Variants in LMO1 observed in about 807,000 individuals in gnomAD.
The protein encoded by LMO1 is rhombotin-1.
A neutral mutation model predicts 18.0 loss-of-function variants in LMO1; 10 were observed. The observed-to-expected ratio is 0.55, with a 90% CI of 0.34 to 0.94. The LOEUF (loss-of-function observed/expected upper bound fraction) is 0.94. Among genes scored for constraint, LMO1 ranks in the 40% least tolerant of loss-of-function variants. The pLI, the probability that LMO1 is intolerant of heterozygous loss-of-function variation, is 0.02. For synonymous variants in LMO1, 77 were observed against 77.9 expected, an observed-to-expected ratio of 0.99 and a Z score of 0.06; for missense variants, 183 against 205.7, an observed-to-expected ratio of 0.89 and a Z score of 0.68.
At chr11:8,255,545 T>G (rs1441534449) in intron 1 of LMO1, among the ~76,000 whole-genome samples, 2 of 152,142 alleles carry the variant, frequency 1.3e-5, no homozygotes, top group Non-Finnish European at 2.9e-5. Context: ...CGGACCGGTC[T>G]CTGCCATAAG....
Position 8,263,606 on chromosome 11 carries a change from T to G in LMO1, c.-244A>C. 1 of 1,360,594 alleles carries G rather than the reference T, an allele frequency of 7.3e-7. No homozygotes were observed. Among genetic ancestry groups the G allele is most frequent in the Non-Finnish European group, 9.4e-7 (1 of 1,060,984 alleles). The allele number at this position is 1,360,594 out of a possible 1,614,324, so 84.3% of individuals were successfully genotyped here. On this transcript the variant is annotated 5_prime_UTR_variant, in exon 1 of 4. Transcript: ENST00000335790. ...TTGGAAGGAACTACGAACTGCAATT[T>G]AGAGAGAGAGGGAGAGGGAGAGAGA... is the stretch of plus-strand genomic sequence containing the variant.
chr11:8,260,445 C>A (rs1847166875), intron 1 of LMO1, among the ~76,000 whole-genome samples: 1 of 152,094 alleles, frequency 6.6e-6, no homozygotes, highest in African/African-American at 2.4e-5. Flanking sequence ...GAGCAAGCAT[C>A]CAAATGAAAG....
intron 1 of LMO1, among the ~76,000 whole-genome samples, chr11:8,253,547 G>C (rs1847039718): frequency 6.6e-6 from 1 of 152,148 alleles, no homozygotes; most frequent in Non-Finnish European, 1.5e-5. Flanking sequence ...GGAAAACTGA[G>C]AATCAGAGAG....
chr11:8,233,437 C>T lies in LMO1; in HGVS notation c.26-2933G>A, dbSNP rs115582748. Among the ~76,000 whole-genome samples the T allele has an allele frequency of 4.4e-3, 666 of 152,304 alleles. 4 individuals carry two copies. The highest frequency in any genetic ancestry group is 0.015 in the African/African-American group (636 of 41,552). ...TTCCTTCATCTGCCCATAAGAAAAA[C>T]GGAAGCAATCCCTTGCTTCTCACAG... On this transcript the variant is annotated intron_variant, in intron 1 of 3. Transcript: ENST00000335790.
intron 1 of LMO1, among the ~76,000 whole-genome samples, chr11:8,244,676 G>T (rs1016735597): frequency 6.6e-6 from 1 of 152,232 alleles, no homozygotes; most frequent in African/African-American, 2.4e-5. Context: ...GCTAACTGAG[G>T]CAGTCATGTG....
chr11:8,249,290 G>C (rs1846948084), intron 1 of LMO1, among the ~76,000 whole-genome samples: 1 of 152,160 alleles, frequency 6.6e-6, no homozygotes, highest in Non-Finnish European at 1.5e-5. Context: ...CAGGAGTGTG[G>C]GGCCGTCTGA....
intron 1 of LMO1, among the ~76,000 whole-genome samples, chr11:8,252,507 G>GTGGC (rs1236820157): frequency 2.6e-5 from 4 of 152,228 alleles, no homozygotes; most frequent in Non-Finnish European, 5.9e-5. Context: ...GCTGGACCTA[G>GTGGC]TGGCTTGCTC....
upstream of LMO1, chr11:8,268,410 G>C (rs1847282971): frequency 6.8e-7 from 1 of 1,467,902 alleles, no homozygotes. Flanking sequence ...CACCGGCACC[G>C]GGCGCCGGGC....
chr11:8,237,019 G>T (rs528251846), intron 1 of LMO1, among the ~76,000 whole-genome samples: 9 of 152,296 alleles, frequency 5.9e-5, no homozygotes, highest in African/African-American at 2.2e-4. Context: ...AACAAAACCC[G>T]CAAGTAAGAG....
intron 2 of LMO1, among the ~76,000 whole-genome samples, chr11:8,227,469 G>T (rs970511862): frequency 3.3e-5 from 5 of 152,186 alleles, no homozygotes; most frequent in Admixed American, 1.3e-4. Context: ...CTTGGGTTGT[G>T]TGCCCTCAGG....
At chr11:8,233,060 T>A (rs962264964) in intron 1 of LMO1, among the ~76,000 whole-genome samples, 34 of 152,338 alleles carry the variant, frequency 2.2e-4, no homozygotes, top group East Asian at 1.9e-4. Context: ...CCACTGCCCG[T>A]GCCCAGGCTG....
chr11:8,242,103 G>A (rs1846805084), intron 1 of LMO1, among the ~76,000 whole-genome samples: 1 of 152,162 alleles, frequency 6.6e-6, no homozygotes, highest in African/African-American at 2.4e-5. Flanking sequence ...GTAGCTATGT[G>A]GCCCTAACAA....
At chr11:8,249,294 C>T (rs990844311) in intron 1 of LMO1, among the ~76,000 whole-genome samples, 2 of 152,122 alleles carry the variant, frequency 1.3e-5, no homozygotes, top group African/African-American at 2.4e-5. Flanking sequence ...AGTGTGGGGC[C>T]GTCTGAAGCC....
chr11:8,263,838 A>G lies in LMO1; in HGVS notation c.-476T>C. The G allele has an allele frequency of 9.5e-7, 1 of 1,053,062 alleles. No homozygotes were observed. The highest frequency in any genetic ancestry group is 1.1e-6 in the Non-Finnish European group (1 of 872,426). 65.2% of individuals were successfully genotyped at this position (1,053,062 alleles called of 1,614,324 possible). ...AAATTATATTCAAAGAGATGGGGGAATCTCGTGGCCGTCTCCCGCTGCCTT... is the reference window on the plus strand; with the variant it reads ...AAATTATATTCAAAGAGATGGGGGAGTCTCGTGGCCGTCTCCCGCTGCCTT... On this transcript the variant is annotated 5_prime_UTR_variant, in exon 1 of 4. Coordinates refer to ENST00000335790, the MANE Select transcript of LMO1 (RefSeq NM_002315.3).
rs766135555 is a variant in LMO1 at position 8,263,405 on chromosome 11, G to A, written c.-43C>T. 2.6e-5 allele frequency: 41 copies of A among 1,594,866 alleles called. No individual in the cohort carries two copies. Among genetic ancestry groups the A allele is most frequent in the Non-Finnish European group, 3.1e-5 (36 of 1,175,160 alleles). On this transcript the variant is annotated 5_prime_UTR_variant, in exon 1 of 4. Transcript: ENST00000335790. The stretch of plus-strand genomic sequence containing the variant: ...CAGCCGCAGCTAGGCTCGGCCGGGA[G>A]AAGGGCGCCGACTCGGGGCGCGCTT...
upstream of LMO1, among the ~76,000 whole-genome samples, chr11:8,268,157 G>T (rs1295165447): frequency 6.6e-6 from 1 of 152,236 alleles, no homozygotes; most frequent in African/African-American, 2.4e-5. Context: ...CAGCCGGAGC[G>T]CGCAGGGCTG....
intron 1 of LMO1, among the ~76,000 whole-genome samples, chr11:8,245,016 C>A (rs2134557421): frequency 6.6e-6 from 1 of 152,376 alleles, no homozygotes; most frequent in South Asian, 2.1e-4. Context: ...CAACTACCTT[C>A]TGTGTGCCTG....
intron 1 of LMO1, among the ~76,000 whole-genome samples, chr11:8,248,818 C>T (rs942884176): frequency 5.3e-5 from 8 of 152,196 alleles, no homozygotes; most frequent in African/African-American, 1.2e-4. Context: ...AGACTTGCTG[C>T]CTCCCAGTCC....
chr11:8,227,888 C>T (rs149776756), intron 2 of LMO1, among the ~76,000 whole-genome samples: 8 of 152,314 alleles, frequency 5.3e-5, no homozygotes, highest in African/African-American at 1.9e-4. Flanking sequence ...AGGCTGCTCT[C>T]GAACTCCTGG....
Sources: gnomAD v4.1 joint callset for allele counts (sites outside exome capture counted in the v4.1 genomes callset) on GRCh38, gnomAD v4.1.1 for gene constraint, MANE v1.5 for transcripts, NCBI Gene and HGNC (gene_info 2026-07-23, HGNC 2026-07-21) for gene names.